COL22A1: variants seen among roughly 807,000 people sequenced by gnomAD.
The protein encoded by COL22A1 is collagen type XXII alpha 1 chain, also known as collagen alpha-1(XXII) chain.
In COL22A1, 221 loss-of-function variants were observed where a neutral mutation model predicts 248.9. The ratio of observed to expected loss-of-function variants is 0.89; its 90% confidence interval spans 0.80 to 0.99. The LOEUF (loss-of-function observed/expected upper bound fraction) is 0.99, where lower values mean the gene tolerates loss of function less well. Ranked by LOEUF, COL22A1 falls within the 50% of genes least tolerant of loss-of-function variation. The probability of loss-of-function intolerance (pLI) is 0.00; values close to 1 mark genes in which losing one functional copy is unlikely to be tolerated. For synonymous variants in COL22A1, 891 were observed against 793.4 expected, an observed-to-expected ratio of 1.12 and a Z score of -2.07; for missense variants, 2,240 against 2,179.0, an observed-to-expected ratio of 1.03 and a Z score of -0.56.
Position 138,659,068 on chromosome 8 carries a change from AC to A in COL22A1, c.3285+1367del, listed in dbSNP as rs1564155283. 5.3e-5 allele frequency among the ~76,000 whole-genome samples: 8 copies of A among 152,164 alleles called. No individual in the cohort carries two copies. In the South Asian group the frequency reaches 1.7e-3, roughly 32 times the overall value. ...AACCCCCGCTTGACTTCTGGCCTGA[AC>A]CTCACTCTCCCTGCACTTCACCAGA... On this transcript the variant is annotated intron_variant, in intron 44 of 64. Transcript: ENST00000303045.
At chr8:138,791,846 CTATCT>C in intron 12 of COL22A1, among the ~76,000 whole-genome samples, 1 of 152,206 alleles carries the variant, frequency 6.6e-6, no homozygotes, top group South Asian at 2.1e-4. Flanking sequence ...ACCCAAAATT[CTATCT>C]ACTGCTGAGT....
chr8:138,674,670 T>A (rs1326264057), intron 41 of COL22A1, among the ~76,000 whole-genome samples: 1 of 152,142 alleles, frequency 6.6e-6, no homozygotes, highest in Non-Finnish European at 1.5e-5. Context: ...CAGCTTTCTG[T>A]AAGGGCTGAT....
At chr8:138,879,518 C>A (rs1824011418) in intron 2 of COL22A1, among the ~76,000 whole-genome samples, 1 of 151,772 alleles carries the variant, frequency 6.6e-6, no homozygotes, top group African/African-American at 2.4e-5. Flanking sequence ...ATGGCAAAAC[C>A]CCGTCTGTAC....
Position 138,634,950 on chromosome 8 carries a change from T to A in COL22A1, c.3609+60A>T, listed in dbSNP as rs184514778. Reference sequence around the variant, plus strand: ...TCAGTGTCATACCATGCCTGGTGAGTTGAGATGTGCATTCAAATGTCAAGG... The same window carrying A: ...TCAGTGTCATACCATGCCTGGTGAGATGAGATGTGCATTCAAATGTCAAGG... On this transcript the variant is annotated intron_variant, in intron 49 of 64. Coordinates refer to ENST00000303045, the MANE Select transcript of COL22A1 (RefSeq NM_152888.3). 4.0e-4 allele frequency: 448 copies of A among 1,110,300 alleles called. 1 individual carries two copies. Among genetic ancestry groups the A allele is most frequent in the Admixed American group, 9.5e-4 (55 of 58,042 alleles). 68.8% of individuals were successfully genotyped at this position (1,110,300 alleles called of 1,614,324 possible). A position where few individuals can be genotyped will look rare whatever the true frequency, so the allele number is the denominator to read the frequency against.
chr8:138,913,153 C>T (rs570236126), intron 1 of COL22A1, among the ~76,000 whole-genome samples: 1 of 152,224 alleles, frequency 6.6e-6, no homozygotes, highest in South Asian at 2.1e-4. Context: ...AAATGTAAAA[C>T]CAAACGAAGA....
chr8:138,700,062 C>A (rs979109786), intron 32 of COL22A1, 50 bp downstream of exon 32: 2 of 1,581,794 alleles, frequency 1.3e-6, no homozygotes, highest in African/African-American at 1.3e-5. Flanking sequence ...CTGGACATTG[C>A]CCTCCAGGCC....
intron 57 of COL22A1, 113 bp downstream of exon 57, chr8:138,607,823 A>G: frequency 3.0e-6 from 3 of 1,007,834 alleles, no homozygotes; most frequent in South Asian, 3.1e-5. Context: ...ACTCAAACCC[A>G]TATGTCCCCA....
At chr8:138,913,513 G>A (rs968702091) in intron 1 of COL22A1, 106 bp downstream of exon 1, 3 of 152,358 alleles carry the variant, frequency 2.0e-5, no homozygotes, top group South Asian at 2.1e-4. Flanking sequence ...TCCCCAGCCC[G>A]CATCCACCCC....
intron 11 of COL22A1, among the ~76,000 whole-genome samples, chr8:138,799,446 C>T (rs1392738123): frequency 2.0e-5 from 3 of 152,168 alleles, no homozygotes; most frequent in African/African-American, 7.2e-5. Context: ...TGGATATTGA[C>T]ACTTCCCTTA....
intron 4 of COL22A1, among the ~76,000 whole-genome samples, chr8:138,835,677 T>A (rs1820376742): frequency 6.6e-6 from 1 of 152,184 alleles, no homozygotes; most frequent in South Asian, 2.1e-4. Flanking sequence ...CCTTGGTCCC[T>A]GGTAGAGACT....
At chr8:138,607,001 C>T (rs1006166859) in intron 57 of COL22A1, among the ~76,000 whole-genome samples, 5 of 152,174 alleles carry the variant, frequency 3.3e-5, no homozygotes, top group African/African-American at 9.7e-5. Flanking sequence ...CATACCACAG[C>T]CCCTGAGGGA....
chr8:138,604,428 G>A (rs1331735254), intron 59 of COL22A1, among the ~76,000 whole-genome samples: 1 of 152,186 alleles, frequency 6.6e-6, no homozygotes, highest in Non-Finnish European at 1.5e-5. Context: ...AGAGAGAACT[G>A]GACAAAACCT....
At chr8:138,911,681 G>A (rs1470735391) in intron 1 of COL22A1, among the ~76,000 whole-genome samples, 1 of 152,204 alleles carries the variant, frequency 6.6e-6, no homozygotes, top group Non-Finnish European at 1.5e-5. Context: ...GGCAATAACT[G>A]AAACTACACA....
chr8:138,718,663 A>G (rs1367956852), intron 27 of COL22A1, among the ~76,000 whole-genome samples: 1 of 152,220 alleles, frequency 6.6e-6, no homozygotes, highest in Admixed American at 6.5e-5. Context: ...AAATAAAGTA[A>G]CAAGACCCTC....
At chr8:138,636,623 T>A (rs1821201170) in intron 48 of COL22A1, 119 bp downstream of exon 48, 4 of 771,670 alleles carry the variant, frequency 5.2e-6, no homozygotes, top group Non-Finnish European at 6.6e-6. Context: ...AATGAGATTT[T>A]AAAAAATCCT....
chr8:138,632,607 A>G (rs1820817690), intron 49 of COL22A1, among the ~76,000 whole-genome samples: 2 of 152,186 alleles, frequency 1.3e-5, no homozygotes, highest in Admixed American at 1.3e-4. Flanking sequence ...TACAAGCCAA[A>G]TTTTAGAGAT....
At chr8:138,886,817 C>T (rs16909746) in intron 1 of COL22A1, among the ~76,000 whole-genome samples, 20,325 of 152,258 alleles carry the variant, frequency 0.13, 1,400 homozygotes, top group African/African-American at 0.16. Flanking sequence ...TGTGAGTGGT[C>T]ATGCTGGGAT....
chr8:138,659,995 T>C (rs1259834931), intron 44 of COL22A1, among the ~76,000 whole-genome samples: 1 of 152,210 alleles, frequency 6.6e-6, no homozygotes, highest in Non-Finnish European at 1.5e-5. Flanking sequence ...CCAGATCCAC[T>C]TTTCACCCTT....
chr8:138,645,351 A>T (rs564085576), intron 47 of COL22A1, among the ~76,000 whole-genome samples: 1 of 152,136 alleles, frequency 6.6e-6, no homozygotes, highest in Non-Finnish European at 1.5e-5. Context: ...GGTCTTTGCT[A>T]TCTCATCCCT....
Sources: gnomAD v4.1 joint callset for allele counts (sites outside exome capture counted in the v4.1 genomes callset) on GRCh38, gnomAD v4.1.1 for gene constraint, MANE v1.5 for transcripts, NCBI Gene and HGNC (gene_info 2026-07-23, HGNC 2026-07-21) for gene names.